Variants in ZPBP observed in about 807,000 individuals in gnomAD.
The protein encoded by ZPBP is zona pellucida binding protein, also known as zona pellucida-binding protein 1.
Under a neutral mutation model 44.8 loss-of-function variants are expected in ZPBP, and 26 were observed. The observed-to-expected ratio is 0.58, with a 90% CI of 0.43 to 0.81. The LOEUF (loss-of-function observed/expected upper bound fraction) is 0.81. Among genes scored for constraint, ZPBP ranks in the 30% least tolerant of loss-of-function variants. The probability of loss-of-function intolerance (pLI) is 0.00; values close to 1 mark genes in which losing one functional copy is unlikely to be tolerated. For missense variants in ZPBP, 409 were observed against 434.0 expected (o/e 0.94, Z 0.51); for synonymous variants, 174 against 153.2 (o/e 1.14, Z -1.00).
At chr7:50,035,097 T>A (rs1290759921) in intron 4 of ZPBP, among the ~76,000 whole-genome samples, 1 of 152,216 alleles carries the variant, frequency 6.6e-6, no homozygotes, top group African/African-American at 2.4e-5. Flanking sequence ...GATTTTACTA[T>A]CATCCCACAT....
chr7:49,976,713 A>G (rs1350795418), intron 7 of ZPBP, among the ~76,000 whole-genome samples: 1 of 152,098 alleles, frequency 6.6e-6, no homozygotes, highest in African/African-American at 2.4e-5. Context: ...TTAGATTTTG[A>G]CCCACGAAGT....
chr7:49,878,033 C>T (rs1249895589), intron 2 of ZPBP, among the ~76,000 whole-genome samples: 1 of 152,072 alleles, frequency 6.6e-6, no homozygotes, highest in African/African-American at 2.4e-5. Flanking sequence ...CAGCTTTCCT[C>T]ATCTGTGAGC....
chr7:50,083,078 A>C (rs956682257), intron 2 of ZPBP, among the ~76,000 whole-genome samples: 1 of 151,868 alleles, frequency 6.6e-6, no homozygotes, highest in Non-Finnish European at 1.5e-5. Context: ...GAGACTCAGC[A>C]TAAGTATATC....
chr7:49,928,412 T>C (rs927530743), intron 1 of ZPBP, among the ~76,000 whole-genome samples: 2 of 152,230 alleles, frequency 1.3e-5, no homozygotes, highest in African/African-American at 2.4e-5. Flanking sequence ...TCCATACTTC[T>C]AGTCATCTCT....
intron 3 of ZPBP, among the ~76,000 whole-genome samples, chr7:50,073,028 A>G (rs1220985840): frequency 6.6e-6 from 1 of 152,178 alleles, no homozygotes; most frequent in Non-Finnish European, 1.5e-5. Context: ...TACTAGTATC[A>G]ACACTATTCA....
chr7:49,965,482 A>G (rs2128766869), intron 7 of ZPBP, among the ~76,000 whole-genome samples: 1 of 152,250 alleles, frequency 6.6e-6, no homozygotes, highest in South Asian at 2.1e-4. Flanking sequence ...AATACTCTTC[A>G]ATAGCAGAGC....
At chr7:49,895,235 C>T (rs1375544058) in intron 2 of ZPBP, among the ~76,000 whole-genome samples, 1 of 152,088 alleles carries the variant, frequency 6.6e-6, no homozygotes, top group East Asian at 1.9e-4. Context: ...ATGAACAGTT[C>T]CCTCACATTT....
rs1028978958 is a variant in ZPBP at position 49,979,244 on chromosome 7, G to A, written c.961+4098C>T. Among the ~76,000 whole-genome samples the A allele has an allele frequency of 1.5e-4, 22 of 151,168 alleles. 1 individual carries two copies. Among genetic ancestry groups the A allele is most frequent in the Non-Finnish European group, 1.5e-5 (1 of 67,838 alleles). ...TATCACAATTACATTGAACCCTTGT[G>A]ATCTATCCTATTGCAAACTCAATTT... On this transcript the variant is annotated intron_variant, in intron 7 of 7. Coordinates refer to ENST00000046087, the MANE Select transcript of ZPBP (RefSeq NM_007009.3).
At chr7:50,087,750 T>C (rs745476654) in intron 2 of ZPBP, among the ~76,000 whole-genome samples, 1 of 151,810 alleles carries the variant, frequency 6.6e-6, no homozygotes, top group Non-Finnish European at 1.5e-5. Context: ...CTGAAAACTA[T>C]AAAATATAAT....
At chr7:49,878,426 T>C (rs1165379969) in intron 2 of ZPBP, among the ~76,000 whole-genome samples, 2 of 152,142 alleles carry the variant, frequency 1.3e-5, no homozygotes, top group Non-Finnish European at 2.9e-5. Context: ...TCAGTACTTG[T>C]TTATTTGAAA....
intron 2 of ZPBP, among the ~76,000 whole-genome samples, chr7:50,085,980 TAAGGTAGAGTTGCCAACTATCTGA>T (rs946690586): frequency 6.6e-6 from 1 of 152,102 alleles, no homozygotes; most frequent in Admixed American, 6.6e-5. Flanking sequence ...AAGTGAATGA[TAAGGTAGAGTTGCCAACTATCTGA>T]AAGGTACGTC....
At chr7:49,885,627 C>T (rs895116704) in intron 2 of ZPBP, among the ~76,000 whole-genome samples, 3 of 152,144 alleles carry the variant, frequency 2.0e-5, no homozygotes, top group African/African-American at 7.2e-5. Flanking sequence ...TAAGAAAATA[C>T]CTCCTCTCAT....
At chr7:49,912,485 G>T (rs1004667202) in intron 1 of ZPBP, 21 of 215,114 alleles carry the variant, frequency 9.8e-5, no homozygotes, top group African/African-American at 4.6e-4. Context: ...CTCCATTAGA[G>T]AGCTTATATA....
At chr7:50,054,921 A>C (rs1423076621) in intron 4 of ZPBP, among the ~76,000 whole-genome samples, 1 of 152,152 alleles carries the variant, frequency 6.6e-6, no homozygotes, top group Non-Finnish European at 1.5e-5. Flanking sequence ...AGTCCAAAAA[A>C]TGCATATTAA....
chr7:49,967,805 C>T (rs1796121613), intron 7 of ZPBP, among the ~76,000 whole-genome samples: 1 of 152,136 alleles, frequency 6.6e-6, no homozygotes, highest in Non-Finnish European at 1.5e-5. Flanking sequence ...CTTGGCCTCC[C>T]AAAGGCATGA....
intron 6 of ZPBP, among the ~76,000 whole-genome samples, chr7:49,987,300 G>A (rs908319887): frequency 8.5e-5 from 13 of 152,128 alleles, no homozygotes; most frequent in Admixed American, 8.5e-4. Flanking sequence ...AGGCCTTTAT[G>A]TTTTTCTCTT....
chr7:50,082,293 G>A (rs1802407244), intron 2 of ZPBP, among the ~76,000 whole-genome samples: 1 of 151,786 alleles, frequency 6.6e-6, no homozygotes, highest in East Asian at 1.9e-4. Context: ...CTTAAAAATT[G>A]TTTAGATTAG....
At position 49,981,651 on chromosome 7, in the gene ZPBP, T is replaced by TAAA. The variant is rs1562820427; in HGVS notation, c.961+1690_961+1691insTTT. On this transcript the variant is annotated intron_variant, in intron 7 of 7. Coordinates refer to ENST00000046087, the MANE Select transcript of ZPBP (RefSeq NM_007009.3). ...ATTATATTATATATTATATAATATC[T>TAAA]TGATATAAAATATATATTATATATT... is the stretch of plus-strand genomic sequence containing the variant. Among the ~76,000 whole-genome samples the TAAA allele has an allele frequency of 5.6e-4, 26 of 46,652 alleles. 3 individuals carry two copies. In the Admixed American group the frequency reaches 6.2e-3, roughly 11 times the overall value. 30.6% of individuals were successfully genotyped at this position (46,652 alleles called of 152,430 possible). A position where few individuals can be genotyped will look rare whatever the true frequency, so the allele number is the denominator to read the frequency against.
At chr7:49,957,876 A>T (rs1400801968) in intron 7 of ZPBP, among the ~76,000 whole-genome samples, 1 of 152,176 alleles carries the variant, frequency 6.6e-6, no homozygotes, top group Non-Finnish European at 1.5e-5. Flanking sequence ...ACTCCAACCT[A>T]CAAGAGCTGT....
Sources: allele counts gnomAD v4.1 joint callset (sites outside exome capture counted in the v4.1 genomes callset), GRCh38; gene constraint gnomAD v4.1.1; transcripts MANE v1.5; gene names NCBI Gene and HGNC (gene_info 2026-07-23, HGNC 2026-07-21).